Variants in MYH3 observed in about 807,000 individuals in gnomAD.
MYH3 encodes myosin heavy chain 3.
In MYH3, 130 loss-of-function variants were observed where a neutral mutation model predicts 238.0. The observed-to-expected ratio is 0.55, with a 90% CI of 0.47 to 0.63. The LOEUF is 0.63. MYH3 is among the 30% of genes least tolerant of loss of function. The probability of loss-of-function intolerance (pLI) is 0.00; values close to 1 mark genes in which losing one functional copy is unlikely to be tolerated. For missense variants in MYH3, 1,853 were observed against 2,374.9 expected (o/e 0.78, Z 4.57); for synonymous variants, 880 against 924.1 (o/e 0.95, Z 0.86).
intron 17 of MYH3, among the ~76,000 whole-genome samples, chr17:10,641,703 A>T (rs1436482603): frequency 6.6e-6 from 1 of 151,884 alleles, no homozygotes; most frequent in African/African-American, 2.4e-5. Flanking sequence ...TTTAATGGAG[A>T]CGGGGTTTTA....
intron 36 of MYH3, among the ~76,000 whole-genome samples, chr17:10,631,216 G>C (rs1037727414): frequency 6.6e-6 from 1 of 152,186 alleles, no homozygotes; most frequent in African/African-American, 2.4e-5. Flanking sequence ...AAATCGCTTC[G>C]AGGTAAAGTT....
In MYH3 at chr17:10,635,334, G is replaced by A. The variant is rs367829213; in HGVS notation, c.4172+33C>T. 5.8e-5 allele frequency: 94 copies of A among 1,613,922 alleles called. 1 individual carries two copies. In the South Asian group the frequency reaches 6.4e-4, roughly 11 times the overall value. ...ATAAATTCATCGAATTCATTCCTAAGTAGTTCTTCTAAAAGCAAACAGAGC... is the reference window on the plus strand; with the variant it reads ...ATAAATTCATCGAATTCATTCCTAAATAGTTCTTCTAAAAGCAAACAGAGC... On this transcript the variant is annotated intron_variant, in intron 30 of 40. Coordinates refer to ENST00000583535, the MANE Select transcript of MYH3 (RefSeq NM_002470.4).
At position 10,638,293 on chromosome 17, in the gene MYH3, G is replaced by T. The variant is rs145080512; in HGVS notation, c.3479C>A (p.Thr1160Lys). Residue 1160 changes from threonine (T) to lysine (K), a missense_variant, in exon 27 of 41, where the codon ACG becomes AAG. Transcript: ENST00000583535. ...CCGCTTCTTGTTGAGCTCTATCTGCGTGGAGGTGACGCCTCCCGCCTCCTC... is the reference window on the plus strand; with the variant it reads ...CCGCTTCTTGTTGAGCTCTATCTGCTTGGAGGTGACGCCTCCCGCCTCCTC... Reference protein sequence around the residue: ...RLEEAGGVTSTQIELNKKREA... With the variant: ...RLEEAGGVTSKQIELNKKREA... 2 of 1,613,320 alleles carry T rather than the reference G, an allele frequency of 1.2e-6. No individual in the cohort carries two copies. Among genetic ancestry groups the T allele is most frequent in the African/African-American group, 1.3e-5 (1 of 74,814 alleles).
chr17:10,660,160 C>A (rs1398678324), upstream of MYH3, among the ~76,000 whole-genome samples: 1 of 152,204 alleles, frequency 6.6e-6, no homozygotes, highest in African/African-American at 2.4e-5. Flanking sequence ...ACCTGCCTCC[C>A]AGACTAGTTA....
chr17:10,660,499 C>T (rs568093095), upstream of MYH3, among the ~76,000 whole-genome samples: 217 of 149,746 alleles, frequency 1.4e-3, no homozygotes, highest in African/African-American at 5.1e-3. Context: ...CACAGTGAAA[C>T]CCCGTCTCTA....
chr17:10,640,364 G>T lies in MYH3; in HGVS notation c.2395C>A (p.Arg799Ser), dbSNP rs146342659. Reference sequence around the variant, plus strand: ...TGCACCATCTTCTGGAATTCCACACGCATGAGGAACCCTCTGCACACAGCT... The same window carrying T: ...TGCACCATCTTCTGGAATTCCACACTCATGAGGAACCCTCTGCACACAGCT... The part of the protein sequence containing the change: ...TQAVCRGFLM[R>S]VEFQKMVQRR... The change falls in exon 21 of 41, where the codon CGT becomes AGT. Residue 799 changes from arginine to serine, a missense_variant. Arg to Ser is a moderately radical substitution (Grantham distance 110, BLOSUM62 -1). Coordinates refer to ENST00000583535, the MANE Select transcript of MYH3 (RefSeq NM_002470.4). 4.1e-5 allele frequency: 66 copies of T among 1,614,056 alleles called. No individual in the cohort carries two copies. Among genetic ancestry groups the T allele is most frequent in the Non-Finnish European group, 5.3e-5 (63 of 1,180,048 alleles).
chr17:10,641,719 T>A (rs1002799316), intron 17 of MYH3, among the ~76,000 whole-genome samples: 9 of 152,102 alleles, frequency 5.9e-5, no homozygotes, highest in African/African-American at 2.2e-4. Context: ...TTTTACTGTG[T>A]TAGCCAGGAT....
At position 10,639,476 on chromosome 17, in the gene MYH3, TAAG is replaced by T; in HGVS notation, c.2926-5_2926-3del. 6.2e-7 allele frequency: 1 copy of T among 1,614,128 alleles called. No homozygotes were observed. Among genetic ancestry groups the T allele is most frequent in the South Asian group, 1.1e-5 (1 of 91,078 alleles). ...GAGTTCCTCAGTAAGGTTTTTAACC[TAAG>T]AAGAATTCGCAAGCAATTATAAGCT... On this transcript the variant is annotated splice_region_variant and splice_polypyrimidine_tract_variant and intron_variant, in intron 23 of 40. Transcript: ENST00000583535.
chr17:10,644,795 T>C, intron 12 of MYH3, 93 bp from the exon 13 acceptor site: 1 of 986,602 alleles, frequency 1.0e-6, no homozygotes, highest in Non-Finnish European at 1.6e-6. Context: ...TTCATCTTGG[T>C]ACATTGTGCA....
the MYH3 span, among the ~76,000 whole-genome samples, chr17:10,667,060 G>A: frequency 6.6e-6 from 1 of 152,162 alleles, no homozygotes; most frequent in Non-Finnish European, 1.5e-5. Context: ...TCCAAATGCT[G>A]GGCAAGACAT....
the MYH3 span, chr17:10,673,544 C>T: frequency 6.6e-6 from 1 of 152,244 alleles, no homozygotes; most frequent in Admixed American, 6.5e-5. Context: ...CTCTCTGCCC[C>T]ACTTTCTTCT....
At chr17:10,660,060 A>G (rs1213892087), upstream of MYH3, among the ~76,000 whole-genome samples, 1 of 152,206 alleles carries the variant, frequency 6.6e-6, no homozygotes, top group African/African-American at 2.4e-5. Flanking sequence ...CTGGATGTGG[A>G]TCCCGGCTTG....
In MYH3 at chr17:10,638,310, C is replaced by T. The variant is rs201553125; in HGVS notation, c.3462G>A (p.Ala1154=). 1.6e-4 allele frequency: 257 copies of T among 1,613,096 alleles called. 2 individuals carry two copies. The East Asian group carries it at 2.6e-3, about 16-fold the overall frequency. Residue 1154 remains alanine, a synonymous_variant, in exon 27 of 41, where the codon GCG becomes GCA. Transcript: ENST00000583535. The part of the protein sequence containing the change: ...LEELSERLEE[A]GGVTSTQIEL... ...CTATCTGCGTGGAGGTGACGCCTCC[C>T]GCCTCCTCCAGCCGCTCGCTCAGCT... is the stretch of plus-strand genomic sequence containing the variant.
At chr17:10,666,577 A>C in the MYH3 span, among the ~76,000 whole-genome samples, 1 of 126,026 alleles carries the variant, frequency 7.9e-6, no homozygotes, top group African/African-American at 2.9e-5. Context: ...CCTTGTCTCT[A>C]CAAAAAAAAA....
At chr17:10,637,436 G>A (rs1359394176) in intron 28 of MYH3, among the ~76,000 whole-genome samples, 1 of 152,122 alleles carries the variant, frequency 6.6e-6, no homozygotes, top group Non-Finnish European at 1.5e-5. Context: ...AAACTTGGAC[G>A]CAGACAATGA....
chr17:10,649,195 T>C (rs2074351382), intron 7 of MYH3, among the ~76,000 whole-genome samples: 1 of 152,236 alleles, frequency 6.6e-6, no homozygotes, highest in South Asian at 2.1e-4. Flanking sequence ...CTTCAATCCC[T>C]TGATTCTCCA....
rs1392925981 is a variant in MYH3 at position 10,646,040 on chromosome 17, G to T, written c.899-8C>A. ...TCGTAATAAGCAGCAGCTCTGAAAT[G>T]ACAAATAGTTCCAGGAGGTTATGCA... is the stretch of plus-strand genomic sequence containing the variant. On this transcript the variant is annotated splice_region_variant and splice_polypyrimidine_tract_variant and intron_variant, in intron 10 of 40. Coordinates refer to ENST00000583535, the MANE Select transcript of MYH3 (RefSeq NM_002470.4). 31 of 1,609,058 alleles carry T rather than the reference G, an allele frequency of 1.9e-5. No individual in the cohort carries two copies. Among genetic ancestry groups the T allele is most frequent in the Non-Finnish European group, 2.6e-5 (30 of 1,175,706 alleles).
At chr17:10,643,416 A>G (rs2142406345) in intron 14 of MYH3, among the ~76,000 whole-genome samples, 1 of 150,928 alleles carries the variant, frequency 6.6e-6, no homozygotes, top group African/African-American at 2.4e-5. Context: ...TTGCTCTGTC[A>G]CCAGGCTGGA....
chr17:10,629,966 G>A, intron 38 of MYH3, 29 bp from the exon 39 acceptor site: 1 of 1,612,258 alleles, frequency 6.2e-7, no homozygotes, highest in African/African-American at 1.3e-5. Context: ...GAATGTCACT[G>A]GAGAGGAGGG....
Sources: gnomAD v4.1 joint callset for allele counts (sites outside exome capture counted in the v4.1 genomes callset) on GRCh38, gnomAD v4.1.1 for gene constraint, MANE v1.5 for transcripts, NCBI Gene and HGNC (gene_info 2026-07-23, HGNC 2026-07-21) for gene names.